The following CSMD1 variants were observed in gnomAD, a reference collection of about 807,000 sequenced individuals.
CSMD1 encodes CUB and sushi domain-containing protein 1.
Under a neutral mutation model 417.5 loss-of-function variants are expected in CSMD1, and 213 were observed. That is an observed-to-expected ratio of 0.51 (90% confidence interval 0.46 to 0.57). The LOEUF is 0.57. Ranked by LOEUF, CSMD1 falls within the 20% of genes least tolerant of loss-of-function variation. The pLI is 0.00. For missense variants in CSMD1, 6,923 were observed against 4,529.7 expected (o/e 1.53, Z -15.17); for synonymous variants, 2,862 against 1,736.8 (o/e 1.65, Z -16.11).
At chr8:3,961,297 A>G (rs572440527) in intron 5 of CSMD1, among the ~76,000 whole-genome samples, 2 of 152,330 alleles carry the variant, frequency 1.3e-5, no homozygotes, top group African/African-American at 4.8e-5. Context: ...TAAAAGTTAT[A>G]TGAGCATAAA....
intron 49 of CSMD1, among the ~76,000 whole-genome samples, chr8:3,058,430 C>A (rs1812378384): frequency 6.6e-6 from 1 of 152,178 alleles, no homozygotes. Context: ...GCATTACCAA[C>A]TTTCTTGATA....
chr8:4,481,632 TA>T (rs1373595717), intron 2 of CSMD1, among the ~76,000 whole-genome samples: 1 of 152,112 alleles, frequency 6.6e-6, no homozygotes, highest in Non-Finnish European at 1.5e-5. Flanking sequence ...CATGAGGAAA[TA>T]AAAGCACCAA....
chr8:4,002,607 G>C (rs891051971), intron 4 of CSMD1, among the ~76,000 whole-genome samples: 1 of 152,078 alleles, frequency 6.6e-6, no homozygotes, highest in Admixed American at 6.6e-5. Flanking sequence ...TTCCAGTTTA[G>C]CTGCTAAAGA....
intron 5 of CSMD1, among the ~76,000 whole-genome samples, chr8:3,888,510 G>T (rs190603406): frequency 6.6e-6 from 1 of 152,152 alleles, no homozygotes; most frequent in Non-Finnish European, 1.5e-5. Flanking sequence ...AACACAAAGC[G>T]CTTTGCTGGC....
chr8:4,178,261 C>A (rs955221749), intron 3 of CSMD1, among the ~76,000 whole-genome samples: 1 of 152,032 alleles, frequency 6.6e-6, no homozygotes, highest in African/African-American at 2.4e-5. Context: ...CCCTGGGATG[C>A]AAGGCTGGTT....
chr8:3,846,410 T>C (rs1803505976), intron 5 of CSMD1, among the ~76,000 whole-genome samples: 1 of 151,840 alleles, frequency 6.6e-6, no homozygotes, highest in Non-Finnish European at 1.5e-5. Flanking sequence ...TAAACATATG[T>C]AAGTTTTGAT....
intron 8 of CSMD1, among the ~76,000 whole-genome samples, chr8:3,605,841 G>T (rs948467679): frequency 1.3e-5 from 2 of 152,142 alleles, no homozygotes; most frequent in African/African-American, 4.8e-5. Context: ...AATTTTAATT[G>T]TTAATCTATT....
At chr8:4,973,295 T>C (rs1172350103) in intron 1 of CSMD1, among the ~76,000 whole-genome samples, 1 of 152,184 alleles carries the variant, frequency 6.6e-6, no homozygotes, top group Non-Finnish European at 1.5e-5. Flanking sequence ...AGGTACATGA[T>C]AACTGCACAG....
intron 3 of CSMD1, among the ~76,000 whole-genome samples, chr8:4,341,581 G>A (rs567857385): frequency 2.0e-5 from 3 of 152,184 alleles, no homozygotes; most frequent in South Asian, 2.1e-4. Context: ...AAATACTAAC[G>A]TTCTGTGGTT....
chr8:4,806,878 G>T (rs971473638), intron 1 of CSMD1, among the ~76,000 whole-genome samples: 5 of 152,262 alleles, frequency 3.3e-5, no homozygotes, highest in East Asian at 1.9e-4. Flanking sequence ...CTGAAAGATG[G>T]TCTTACCCTT....
chr8:3,747,258 A>G (rs987701067), intron 6 of CSMD1, among the ~76,000 whole-genome samples: 1 of 152,198 alleles, frequency 6.6e-6, no homozygotes, highest in Non-Finnish European at 1.5e-5. Flanking sequence ...CTGTTCTGCC[A>G]TCCAATAACC....
At chr8:4,441,208 C>T (rs1308457202) in intron 2 of CSMD1, among the ~76,000 whole-genome samples, 5 of 139,638 alleles carry the variant, frequency 3.6e-5, no homozygotes, top group African/African-American at 7.9e-5. Flanking sequence ...AAGCAATCCT[C>T]GCACGTCAGC....
At chr8:3,296,297 C>A (rs371661455) in intron 25 of CSMD1, among the ~76,000 whole-genome samples, 4 of 151,458 alleles carry the variant, frequency 2.6e-5, no homozygotes, top group Non-Finnish European at 5.9e-5. Context: ...AGAAGCCCCA[C>A]GTAAGGGGCA....
intron 1 of CSMD1, among the ~76,000 whole-genome samples, chr8:4,889,657 G>A (rs969574050): frequency 6.6e-6 from 1 of 151,946 alleles, no homozygotes; most frequent in Non-Finnish European, 1.5e-5. Context: ...GCAAATATAA[G>A]GTTTTATTTA....
chr8:4,060,065 T>A (rs559246803), intron 3 of CSMD1, among the ~76,000 whole-genome samples: 30 of 152,232 alleles, frequency 2.0e-4, no homozygotes, highest in South Asian at 8.3e-4. Context: ...GCAAACCGAA[T>A]CCAGCAGCAC....
intron 3 of CSMD1, among the ~76,000 whole-genome samples, chr8:4,309,468 ATAAATAT>A (rs1213564262): frequency 4.9e-5 from 7 of 142,396 alleles, no homozygotes; most frequent in Non-Finnish European, 8.9e-5. Context: ...ACGAGAAAAA[ATAAATAT>A]TAAATGCATT....
Position 3,726,999 on chromosome 8 carries a change from A to G in CSMD1, c.932-18508T>C, listed in dbSNP as rs74377250. Among the ~76,000 whole-genome samples the G allele has an allele frequency of 1.6e-3, 239 of 152,328 alleles. 1 individual carries two copies. In the East Asian group the frequency reaches 0.023, roughly 15 times the overall value. ...CATACCACCAGTAAACACTGTGAAC[A>G]CAAACCCTCAATATTTGCATTTATT... On this transcript the variant is annotated intron_variant, in intron 6 of 69. Transcript: ENST00000635120.
intron 21 of CSMD1, among the ~76,000 whole-genome samples, chr8:3,350,568 T>C (rs897477190): frequency 1.3e-5 from 2 of 152,208 alleles, no homozygotes; most frequent in Admixed American, 6.5e-5. Context: ...TTCACACTAC[T>C]GTTCATAATT....
At chr8:3,563,555 C>T (rs1355999202) in intron 10 of CSMD1, among the ~76,000 whole-genome samples, 1 of 137,012 alleles carries the variant, frequency 7.3e-6, no homozygotes, top group Non-Finnish European at 1.6e-5. Flanking sequence ...AAATACACAC[C>T]TCTTACTCAC....
Sources: allele counts gnomAD v4.1 joint callset (sites outside exome capture counted in the v4.1 genomes callset), GRCh38; gene constraint gnomAD v4.1.1; transcripts MANE v1.5; gene names NCBI Gene and HGNC (gene_info 2026-07-23, HGNC 2026-07-21).